Variants in PRKG1 observed in about 807,000 individuals in gnomAD.
The protein encoded by PRKG1 is protein kinase cGMP-dependent 1.
Under a neutral mutation model 88.1 loss-of-function variants are expected in PRKG1, and 35 were observed. That is an observed-to-expected ratio of 0.40 (90% CI 0.30 to 0.53). PRKG1 has a LOEUF of 0.53. PRKG1 is among the 20% of genes least tolerant of loss of function. The pLI is 0.59. For missense variants in PRKG1, 540 were observed against 839.8 expected (o/e 0.64, Z 4.41); for synonymous variants, 303 against 292.5 (o/e 1.04, Z -0.37).
Position 52,066,011 on chromosome 10 carries a change from C to T in PRKG1, c.935+3380C>T, listed in dbSNP as rs200643809. On this transcript the variant is annotated intron_variant, in intron 7 of 17. Coordinates refer to ENST00000373980, the MANE Select transcript of PRKG1 (RefSeq NM_006258.4). The stretch of plus-strand genomic sequence containing the variant: ...CCCACTCTTTCTCTTCACATCTACC[C>T]CTTACCCCCATTTCCTCACATCTCT... Among the ~76,000 whole-genome samples, 36 of 152,260 alleles carry T rather than the reference C, an allele frequency of 2.4e-4. No homozygotes were observed. In the East Asian group the frequency reaches 6.6e-3, roughly 28 times the overall value.
chr10:51,100,484 T>C (rs1177469503), intron 1 of PRKG1, among the ~76,000 whole-genome samples: 1 of 152,206 alleles, frequency 6.6e-6, no homozygotes, highest in East Asian at 1.9e-4. Context: ...AATTCTACAA[T>C]GTCTCCAATA....
intron 9 of PRKG1, among the ~76,000 whole-genome samples, chr10:52,242,626 G>T (rs1191513043): frequency 6.6e-6 from 1 of 152,132 alleles, no homozygotes; most frequent in Non-Finnish European, 1.5e-5. Context: ...GCCAGGCACG[G>T]TGCCTCACAC....
At chr10:52,206,895 A>C (rs1372992656) in intron 9 of PRKG1, among the ~76,000 whole-genome samples, 1 of 152,208 alleles carries the variant, frequency 6.6e-6, no homozygotes, top group Non-Finnish European at 1.5e-5. Flanking sequence ...TGGCTTTTGC[A>C]TGCCAGCAGC....
At chr10:52,040,788 G>A (rs10823995) in intron 5 of PRKG1, among the ~76,000 whole-genome samples, 24,759 of 148,504 alleles carry the variant, frequency 0.17, 2,153 homozygotes, top group East Asian at 0.28. Context: ...ACTTTTTCTC[G>A]CTTAAGTATG....
chr10:51,546,635 G>A (rs184673399), intron 3 of PRKG1, among the ~76,000 whole-genome samples: 10 of 151,874 alleles, frequency 6.6e-5, no homozygotes, highest in Admixed American at 5.9e-4. Flanking sequence ...AACTTTAATG[G>A]TTTTCTACGT....
chr10:51,653,769 T>C (rs1034960236), intron 3 of PRKG1, among the ~76,000 whole-genome samples: 2 of 152,100 alleles, frequency 1.3e-5, no homozygotes, highest in African/African-American at 4.8e-5. Flanking sequence ...GGTTTCACCA[T>C]GTTGGCCAGG....
intron 5 of PRKG1, among the ~76,000 whole-genome samples, chr10:51,921,141 T>TC (rs1185461843): frequency 3.9e-5 from 6 of 152,060 alleles, no homozygotes; most frequent in Non-Finnish European, 7.4e-5. Flanking sequence ...CACCTACTTA[T>TC]CCCCTCTCTT....
chr10:51,553,359 T>C (rs1390255226), intron 3 of PRKG1, among the ~76,000 whole-genome samples: 1 of 151,700 alleles, frequency 6.6e-6, no homozygotes, highest in African/African-American at 2.4e-5. Flanking sequence ...TATTTGGCCA[T>C]GGGAAAATAG....
intron 9 of PRKG1, among the ~76,000 whole-genome samples, chr10:52,202,659 C>CTT (rs766522806): frequency 6.9e-6 from 1 of 144,992 alleles, no homozygotes; most frequent in African/African-American, 2.5e-5. Flanking sequence ...TCCACCTGGG[C>CTT]TTTTTTTTTT....
At chr10:51,784,015 C>T (rs1413501744) in intron 3 of PRKG1, among the ~76,000 whole-genome samples, 1 of 152,080 alleles carries the variant, frequency 6.6e-6, no homozygotes, top group Non-Finnish European at 1.5e-5. Flanking sequence ...AACTCTTTCT[C>T]CATCCCTTTT....
intron 8 of PRKG1, among the ~76,000 whole-genome samples, chr10:52,139,707 G>T (rs1457995699): frequency 6.6e-6 from 1 of 152,036 alleles, no homozygotes; most frequent in Non-Finnish European, 1.5e-5. Flanking sequence ...ACTTGGGATT[G>T]GGGGGTAAAG....
At chr10:52,084,714 C>T (rs1589592863) in intron 7 of PRKG1, among the ~76,000 whole-genome samples, 1 of 151,946 alleles carries the variant, frequency 6.6e-6, no homozygotes, top group African/African-American at 2.4e-5. Flanking sequence ...ATACAGTTAA[C>T]AAGTTCAAGA....
intron 3 of PRKG1, among the ~76,000 whole-genome samples, chr10:51,739,193 T>C (rs1014121593): frequency 3.9e-5 from 6 of 152,232 alleles, no homozygotes; most frequent in Admixed American, 6.5e-5. Context: ...AAATTTATTG[T>C]CTTTTTTTCC....
At chr10:51,330,145 ATTTT>A (rs1217737865) in intron 2 of PRKG1, among the ~76,000 whole-genome samples, 9 of 96,644 alleles carry the variant, frequency 9.3e-5, no homozygotes, top group African/African-American at 3.2e-4. Context: ...TTATTTATTT[ATTTT>A]TTATTTATTT....
At chr10:51,603,893 G>T (rs1369366809) in intron 3 of PRKG1, among the ~76,000 whole-genome samples, 2 of 152,168 alleles carry the variant, frequency 1.3e-5, no homozygotes, top group African/African-American at 4.8e-5. Context: ...GTCTTCAAGA[G>T]AGCTATCTTC....
intron 2 of PRKG1, among the ~76,000 whole-genome samples, chr10:51,410,733 G>T (rs545745561): frequency 2.6e-5 from 4 of 151,866 alleles, no homozygotes; most frequent in African/African-American, 7.2e-5. Flanking sequence ...GGAAATTAAG[G>T]TTTTGGATTT....
At chr10:51,853,093 G>T (rs1840598640) in intron 4 of PRKG1, among the ~76,000 whole-genome samples, 1 of 152,120 alleles carries the variant, frequency 6.6e-6, no homozygotes, top group Non-Finnish European at 1.5e-5. Flanking sequence ...GTAAGGGCTA[G>T]TGATATCTGG....
At chr10:51,469,792 G>C (rs1469234295) in intron 3 of PRKG1, among the ~76,000 whole-genome samples, 1 of 151,854 alleles carries the variant, frequency 6.6e-6, no homozygotes, top group African/African-American at 2.4e-5. Context: ...TTTCTTCACA[G>C]TGCCTACTTA....
chr10:51,153,138 A>G (rs768635775), intron 1 of PRKG1, 26 bp from the exon 2 acceptor site: 3 of 1,605,172 alleles, frequency 1.9e-6, no homozygotes, highest in Middle Eastern at 1.7e-4. Context: ...CAGATGTGCC[A>G]GTAAATCTTC....
Sources: allele counts gnomAD v4.1 joint callset (sites outside exome capture counted in the v4.1 genomes callset), GRCh38; gene constraint gnomAD v4.1.1; transcripts MANE v1.5; gene names NCBI Gene and HGNC (gene_info 2026-07-23, HGNC 2026-07-21).